Variants in PALLD observed in about 807,000 individuals in gnomAD.
The protein encoded by PALLD is palladin, cytoskeletal associated protein, also known as palladin.
A neutral mutation model predicts 123.5 loss-of-function variants in PALLD; 61 were observed. The ratio of observed to expected loss-of-function variants is 0.49; its 90% CI spans 0.40 to 0.61. PALLD has a LOEUF of 0.61. PALLD is among the 20% of genes least tolerant of loss of function. The pLI, the probability that PALLD is intolerant of heterozygous loss-of-function variation, is 0.00. For missense variants in PALLD, 1,273 were observed against 1,377.0 expected (o/e 0.92, Z 1.20); for synonymous variants, 465 against 496.4 (o/e 0.94, Z 0.84).
chr4:168,687,575 G>A (rs146166633), intron 6 of PALLD, among the ~76,000 whole-genome samples: 15 of 152,300 alleles, frequency 9.8e-5, no homozygotes, highest in African/African-American at 3.6e-4. Flanking sequence ...TAAAGTCCAT[G>A]CTGGTGGCAC....
chr4:168,913,887 T>A (rs1759571194), intron 15 of PALLD, 40 bp from the exon 16 acceptor site: 1 of 1,343,910 alleles, frequency 7.4e-7, no homozygotes, highest in East Asian at 2.3e-5. Flanking sequence ...TGGTTAATAG[T>A]TTTAAATAGC....
At chr4:168,691,522 CAAG>C (rs1427840864) in intron 8 of PALLD, among the ~76,000 whole-genome samples, 1 of 152,154 alleles carries the variant, frequency 6.6e-6, no homozygotes, top group East Asian at 1.9e-4. Flanking sequence ...TCCATTCAGA[CAAG>C]AAGGTCAAGC....
intron 10 of PALLD, among the ~76,000 whole-genome samples, chr4:168,791,028 A>G (rs1737442231): frequency 6.6e-6 from 1 of 152,184 alleles, no homozygotes. Flanking sequence ...ATGTTATAAC[A>G]GGCATCAGAC....
chr4:168,553,767 G>A (rs1766987996), intron 2 of PALLD, among the ~76,000 whole-genome samples: 1 of 151,944 alleles, frequency 6.6e-6, no homozygotes, highest in African/African-American at 2.4e-5. Context: ...ATTCTGATAA[G>A]CACCAAGCTG....
chr4:168,673,601 C>T (rs1025795759), intron 3 of PALLD, among the ~76,000 whole-genome samples: 2 of 152,138 alleles, frequency 1.3e-5, no homozygotes, highest in African/African-American at 4.8e-5. Context: ...CTAACTGACT[C>T]TCTGGTTGGT....
intron 10 of PALLD, among the ~76,000 whole-genome samples, chr4:168,779,934 G>T (rs1368105148): frequency 2.0e-5 from 3 of 150,110 alleles, no homozygotes; most frequent in Admixed American, 6.6e-5. Context: ...TTGAGAGAAG[G>T]TCTCACTCTG....
At chr4:168,672,612 C>T (rs1483496594) in intron 3 of PALLD, among the ~76,000 whole-genome samples, 1 of 152,120 alleles carries the variant, frequency 6.6e-6, no homozygotes, top group Non-Finnish European at 1.5e-5. Context: ...GCGCCTGCCA[C>T]CACGCCCGTC....
intron 10 of PALLD, among the ~76,000 whole-genome samples, chr4:168,764,958 G>A (rs1460891207): frequency 1.7e-4 from 26 of 152,008 alleles, no homozygotes; most frequent in Non-Finnish European, 3.1e-4. Context: ...CATTTGAATC[G>A]AGGGTTTATA....
At chr4:168,698,501 A>G (rs960329073) in intron 8 of PALLD, among the ~76,000 whole-genome samples, 5 of 152,120 alleles carry the variant, frequency 3.3e-5, no homozygotes, top group South Asian at 2.1e-4. Flanking sequence ...GTAAATATAT[A>G]TACTTCCTAT....
In PALLD at chr4:168,607,374, G is replaced by T. The variant is rs369950938; in HGVS notation, c.909-60816G>T. 3.3e-5 allele frequency among the ~76,000 whole-genome samples: 5 copies of T among 152,146 alleles called. No homozygotes were observed. The East Asian group carries it at 9.6e-4, about 29-fold the overall frequency. On this transcript the variant is annotated intron_variant, in intron 2 of 21. Transcript: ENST00000505667. ...GGGAAGTACAAAACACACAGTGACC[G>T]GAGGTGTAACTGATTGATTACTGTT...
At chr4:168,676,502 T>C (rs1780844233) in intron 3 of PALLD, among the ~76,000 whole-genome samples, 1 of 149,902 alleles carries the variant, frequency 6.7e-6, no homozygotes, top group African/African-American at 2.4e-5. Flanking sequence ...TTAAAACATA[T>C]CTATATAATA....
intron 3 of PALLD, among the ~76,000 whole-genome samples, chr4:168,670,451 G>A (rs988774290): frequency 1.3e-5 from 2 of 151,614 alleles, no homozygotes; most frequent in South Asian, 2.1e-4. Context: ...AGCCGGGCGC[G>A]GGCCGGGCGC....
rs918434815 is a variant in PALLD at position 168,593,469 on chromosome 4, A to G, written c.909-74721A>G. 2.1e-5 allele frequency among the ~76,000 whole-genome samples: 3 copies of G among 142,520 alleles called. 1 individual carries two copies. The highest frequency in any genetic ancestry group is 4.5e-4 in the South Asian group (2 of 4,414). The allele number at this position is 142,520 out of a possible 152,430, so 93.5% of individuals were successfully genotyped here. Reference sequence around the variant, plus strand: ...AAAGAAAAAAAGGAAGACGAGTCCAATCAAAAGTTCAGCTTTGAAATTCAG... The same window carrying G: ...AAAGAAAAAAAGGAAGACGAGTCCAGTCAAAAGTTCAGCTTTGAAATTCAG... On this transcript the variant is annotated intron_variant, in intron 2 of 21. Coordinates refer to ENST00000505667, the MANE Select transcript of PALLD (RefSeq NM_001166108.2).
intron 2 of PALLD, among the ~76,000 whole-genome samples, chr4:168,574,793 C>T (rs1009734050): frequency 1.3e-5 from 2 of 152,082 alleles, no homozygotes; most frequent in African/African-American, 4.8e-5. Flanking sequence ...CTATAGAGAA[C>T]TCATAATATG....
chr4:168,520,345 A>G (rs201234634), intron 2 of PALLD, among the ~76,000 whole-genome samples: 17 of 41,782 alleles, frequency 4.1e-4, no homozygotes, highest in African/African-American at 6.5e-4. Context: ...AAAAAAAAAA[A>G]AAAGAGAGAG....
intron 14 of PALLD, among the ~76,000 whole-genome samples, chr4:168,902,476 C>T (rs747859590): frequency 6.6e-6 from 1 of 152,102 alleles, no homozygotes; most frequent in Non-Finnish European, 1.5e-5. Flanking sequence ...TAACTTAAAT[C>T]GAAAATAATA....
chr4:168,747,248 A>G (rs1238144260), intron 10 of PALLD, among the ~76,000 whole-genome samples: 2 of 152,182 alleles, frequency 1.3e-5, no homozygotes, highest in Non-Finnish European at 2.9e-5. Context: ...TTGCCACCAC[A>G]GAGGCATGTG....
At chr4:168,838,667 C>CTT (rs70961558) in intron 10 of PALLD, among the ~76,000 whole-genome samples, 904 of 88,762 alleles carry the variant, frequency 0.01, 119 homozygotes, top group African/African-American at 0.043. Context: ...CTTCTAACTC[C>CTT]TTTTTTTTTT....
At chr4:168,684,427 C>T (rs1212950736) in intron 5 of PALLD, among the ~76,000 whole-genome samples, 7 of 152,142 alleles carry the variant, frequency 4.6e-5, no homozygotes, top group Non-Finnish European at 8.8e-5. Flanking sequence ...ACCAGACTCC[C>T]TGGGTTTGAA....
Sources: gnomAD v4.1 joint callset for allele counts (sites outside exome capture counted in the v4.1 genomes callset) on GRCh38, gnomAD v4.1.1 for gene constraint, MANE v1.5 for transcripts, NCBI Gene and HGNC (gene_info 2026-07-23, HGNC 2026-07-21) for gene names.